SPECC1: variants seen among roughly 807,000 people sequenced by gnomAD.
SPECC1 encodes the protein sperm antigen with calponin homology and coiled-coil domains 1.
A neutral mutation model predicts 104.1 loss-of-function variants in SPECC1; 62 were observed. The ratio of observed to expected loss-of-function variants is 0.60; its 90% CI spans 0.49 to 0.74. The LOEUF is 0.74. Ranked by LOEUF, SPECC1 falls within the 30% of genes least tolerant of loss-of-function variation. The probability of loss-of-function intolerance (pLI) is 0.00; values close to 1 mark genes in which losing one functional copy is unlikely to be tolerated. For missense variants in SPECC1, 1,306 were observed against 1,310.5 expected (o/e 1.00, Z 0.05); for synonymous variants, 513 against 501.6 (o/e 1.02, Z -0.30).
Position 20,129,439 on chromosome 17 carries a change from C to T in SPECC1, c.283+18877C>T, listed in dbSNP as rs145896310. Among the ~76,000 whole-genome samples, 441 of 150,710 alleles carry T rather than the reference C, an allele frequency of 2.9e-3. 18 individuals carry two copies. The East Asian group carries it at 0.083, about 28-fold the overall frequency. ...TCCTGACCTCGTGATCTACGCACCTCGGCCTCCCAAAGTGCTGGGATTACA... is the reference window on the plus strand; with the variant it reads ...TCCTGACCTCGTGATCTACGCACCTTGGCCTCCCAAAGTGCTGGGATTACA... On this transcript the variant is annotated intron_variant, in intron 3 of 14. Coordinates refer to ENST00000395527, the MANE Select transcript of SPECC1 (RefSeq NM_001243439.2).
At chr17:20,097,506 C>T (rs141447541) in intron 2 of SPECC1, among the ~76,000 whole-genome samples, 98 of 152,300 alleles carry the variant, frequency 6.4e-4, no homozygotes, top group Non-Finnish European at 1.0e-3. Context: ...GCACCACGGG[C>T]GTGACAGCTA....
chr17:20,054,070 C>CT (rs934062910), intron 1 of SPECC1, among the ~76,000 whole-genome samples: 2 of 152,242 alleles, frequency 1.3e-5, no homozygotes, highest in African/African-American at 4.8e-5. Context: ...TCTAGTCACT[C>CT]TGTCAGTTTA....
Position 20,260,119 on chromosome 17 carries a change from T to G in SPECC1, c.2838-73T>G, listed in dbSNP as rs189594236. The G allele has an allele frequency of 4.4e-5, 55 of 1,247,974 alleles. No homozygotes were observed. In the East Asian group the frequency reaches 1.3e-3, roughly 30 times the overall value. The allele number at this position is 1,247,974 out of a possible 1,614,324, so 77.3% of individuals were successfully genotyped here. A position where few individuals can be genotyped will look rare whatever the true frequency, so the allele number is the denominator to read the frequency against. On this transcript the variant is annotated intron_variant, in intron 11 of 14. Coordinates refer to ENST00000395527, the MANE Select transcript of SPECC1 (RefSeq NM_001243439.2). ...GACTTTTGCTTTTCTAAAGTAGGTA[T>G]TTATTTCTTGTGTATTTGAGAATTC...
At chr17:20,304,603 G>A (rs937710278) in intron 13 of SPECC1, among the ~76,000 whole-genome samples, 6 of 152,204 alleles carry the variant, frequency 3.9e-5, no homozygotes, top group South Asian at 2.1e-4. Flanking sequence ...TTAACTGAAC[G>A]TGATGGTAGA....
intron 12 of SPECC1, among the ~76,000 whole-genome samples, chr17:20,288,872 C>G (rs1009810053): frequency 2.6e-5 from 4 of 151,242 alleles, no homozygotes; most frequent in South Asian, 2.1e-4. Flanking sequence ...CAACCTCCGC[C>G]CCCCCGGGTT....
At chr17:20,233,226 A>G (rs2038708593) in intron 7 of SPECC1, among the ~76,000 whole-genome samples, 2 of 152,234 alleles carry the variant, frequency 1.3e-5, no homozygotes, top group Admixed American at 6.5e-5. Context: ...AATATCAAAC[A>G]TAGTCTTTTT....
chr17:20,140,119 A>G (rs985199399), intron 3 of SPECC1, among the ~76,000 whole-genome samples: 1 of 152,174 alleles, frequency 6.6e-6, no homozygotes, highest in African/African-American at 2.4e-5. Context: ...TTTTCGGCCC[A>G]TCAATTGAAA....
chr17:20,272,627 A>G (rs2040446329), intron 12 of SPECC1, among the ~76,000 whole-genome samples: 1 of 152,212 alleles, frequency 6.6e-6, no homozygotes, highest in African/African-American at 2.4e-5. Context: ...AAACGGAATC[A>G]TACAGTATTT....
intron 3 of SPECC1, among the ~76,000 whole-genome samples, chr17:20,167,477 G>C (rs1470780533): frequency 6.6e-6 from 1 of 152,012 alleles, no homozygotes; most frequent in African/African-American, 2.4e-5. Flanking sequence ...TCAGGAGTTC[G>C]AGACCAGCCT....
chr17:20,017,829 A>C (rs1279613876), intron 1 of SPECC1, among the ~76,000 whole-genome samples: 2 of 152,178 alleles, frequency 1.3e-5, no homozygotes, highest in Admixed American at 1.3e-4. Context: ...TCCCAAGAAT[A>C]TCTAATAATT....
intron 1 of SPECC1, among the ~76,000 whole-genome samples, chr17:20,035,202 A>C (rs961501292): frequency 6.6e-6 from 1 of 152,208 alleles, no homozygotes; most frequent in African/African-American, 2.4e-5. Context: ...GTAAGTCTTG[A>C]AACTGGATAG....
At chr17:20,203,428 A>G (rs2151339325) in intron 3 of SPECC1, among the ~76,000 whole-genome samples, 1 of 152,370 alleles carries the variant, frequency 6.6e-6, no homozygotes, top group Admixed American at 6.5e-5. Flanking sequence ...GATGAAAATA[A>G]AAGAGAATTA....
chr17:20,300,595 G>C (rs953407903), intron 13 of SPECC1, among the ~76,000 whole-genome samples: 1 of 152,228 alleles, frequency 6.6e-6, no homozygotes, highest in African/African-American at 2.4e-5. Flanking sequence ...GGACCTAAAA[G>C]TGTTTGTTCT....
chr17:20,240,141 T>C (rs182220631), intron 7 of SPECC1, among the ~76,000 whole-genome samples: 1 of 130,308 alleles, frequency 7.7e-6, no homozygotes, highest in Non-Finnish European at 1.6e-5. Flanking sequence ...GGTATCGAAC[T>C]CCTGGGCTCA....
chr17:20,274,179 C>T lies in SPECC1; in HGVS notation c.2940+13885C>T, dbSNP rs982486734. Among the ~76,000 whole-genome samples the T allele has an allele frequency of 5.3e-5, 8 of 152,312 alleles. No individual in the cohort carries two copies. In the East Asian group the frequency reaches 5.8e-4, roughly 11 times the overall value. On this transcript the variant is annotated intron_variant, in intron 12 of 14. Transcript: ENST00000395527. ...TGGATGGCTATTTATTTCAGCATCA[C>T]TTATTTCATCATCTCTCTTGAACTA...
chr17:20,309,279 C>T (rs548422643), intron 14 of SPECC1, among the ~76,000 whole-genome samples: 1 of 152,318 alleles, frequency 6.6e-6, no homozygotes, highest in Non-Finnish European at 1.5e-5. Context: ...CAGCAGTAAT[C>T]CCCAAATCTT....
chr17:20,261,098 C>T (rs913281097), intron 12 of SPECC1, among the ~76,000 whole-genome samples: 1 of 152,136 alleles, frequency 6.6e-6, no homozygotes, highest in African/African-American at 2.4e-5. Flanking sequence ...CTTTGCATGA[C>T]TGTTAAGCAG....
chr17:20,218,111 T>C (rs1310677791), intron 4 of SPECC1, among the ~76,000 whole-genome samples: 2 of 152,250 alleles, frequency 1.3e-5, no homozygotes, highest in Non-Finnish European at 2.9e-5. Context: ...TATTGGTCTT[T>C]CATGTATTGT....
chr17:20,011,838 G>A (rs2043954134), intron 1 of SPECC1, among the ~76,000 whole-genome samples: 1 of 151,258 alleles, frequency 6.6e-6, no homozygotes, highest in African/African-American at 2.4e-5. Context: ...TATTGTTTTT[G>A]TTATTTTCTA....
Sources: gnomAD v4.1 joint callset for allele counts (sites outside exome capture counted in the v4.1 genomes callset) on GRCh38, gnomAD v4.1.1 for gene constraint, MANE v1.5 for transcripts, NCBI Gene and HGNC (gene_info 2026-07-23, HGNC 2026-07-21) for gene names.